Variants in PEBP4 observed in about 807,000 individuals in gnomAD.
PEBP4 encodes phosphatidylethanolamine-binding protein 4.
A neutral mutation model predicts 23.9 loss-of-function variants in PEBP4; 22 were observed. The ratio of observed to expected loss-of-function variants is 0.92; its 90% CI spans 0.66 to 1.31. The LOEUF is 1.31. PEBP4 is among the 40% of genes most tolerant of loss of function. The pLI is 0.00. For missense variants in PEBP4, 324 were observed against 281.7 expected (o/e 1.15, Z -1.07); for synonymous variants, 112 against 99.3 (o/e 1.13, Z -0.76).
intron 3 of PEBP4, chr8:22,879,437 G>C (rs1310441299): frequency 1.3e-5 from 2 of 152,250 alleles, no homozygotes; most frequent in Non-Finnish European, 2.9e-5. Flanking sequence ...TTTCAAGCCA[G>C]TGGGGAGAGA....
At chr8:22,897,853 T>C (rs978120486) in intron 3 of PEBP4, 1 of 152,020 alleles carries the variant, frequency 6.6e-6, no homozygotes, top group African/African-American at 2.4e-5. Flanking sequence ...AGTGTGATGG[T>C]ATTTGGAGGT....
intron 4 of PEBP4, among the ~76,000 whole-genome samples, chr8:22,782,778 T>G (rs142690887): frequency 5.0e-4 from 76 of 152,334 alleles, no homozygotes; most frequent in African/African-American, 1.8e-3. Flanking sequence ...TATCAGCAGC[T>G]GGCCCAGGTT....
chr8:22,713,676 G>C, intron 6 of PEBP4, 140 bp from the exon 7 acceptor site: 1 of 1,212,138 alleles, frequency 8.2e-7, no homozygotes, highest in Non-Finnish European at 1.1e-6. Context: ...GTGGCTGGGG[G>C]AGCTTCCGGC....
At chr8:22,883,065 C>T (rs1220555818) in intron 3 of PEBP4, among the ~76,000 whole-genome samples, 1 of 152,052 alleles carries the variant, frequency 6.6e-6, no homozygotes, top group South Asian at 2.1e-4. Context: ...AAAACTTCCT[C>T]CTTCATGAGA....
chr8:22,910,243 C>T (rs1808910834), intron 3 of PEBP4, among the ~76,000 whole-genome samples: 1 of 152,218 alleles, frequency 6.6e-6, no homozygotes, highest in Admixed American at 6.5e-5. Context: ...TGACGTGCTA[C>T]AAATAAAAAG....
intron 1 of PEBP4, among the ~76,000 whole-genome samples, chr8:22,940,634 G>T (rs1319838961): frequency 6.6e-6 from 1 of 151,910 alleles, no homozygotes; most frequent in African/African-American, 2.4e-5. Context: ...GACTACAGGT[G>T]ACCACCACCA....
intron 3 of PEBP4, among the ~76,000 whole-genome samples, chr8:22,902,370 A>G (rs539468432): frequency 1.1e-4 from 16 of 152,082 alleles, no homozygotes; most frequent in Non-Finnish European, 2.4e-4. Context: ...TTAAAATCCT[A>G]CGTCCTAACT....
chr8:22,887,804 T>C (rs957834965), intron 3 of PEBP4: 1 of 152,118 alleles, frequency 6.6e-6, no homozygotes, highest in African/African-American at 2.4e-5. Context: ...TCTAGCACTT[T>C]TTAGTTTATT....
chr8:22,896,564 C>G (rs1219901174), intron 3 of PEBP4, among the ~76,000 whole-genome samples: 2 of 152,178 alleles, frequency 1.3e-5, no homozygotes, highest in African/African-American at 4.8e-5. Flanking sequence ...CTCTGGGTAT[C>G]TGGAGAACCA....
intron 6 of PEBP4, among the ~76,000 whole-genome samples, chr8:22,723,767 C>T (rs1486686717): frequency 6.6e-6 from 1 of 152,218 alleles, no homozygotes; most frequent in East Asian, 1.9e-4. Context: ...AAGTTTGCAC[C>T]AGCTCCACTC....
chr8:22,927,785 G>T (rs185312207), intron 1 of PEBP4, 38 bp downstream of exon 1: 2 of 1,592,936 alleles, frequency 1.3e-6, no homozygotes, highest in Non-Finnish European at 1.7e-6. Context: ...CACTACCTGT[G>T]CCCCCGACCC....
Position 22,920,211 on chromosome 8 carries a change from C to A in PEBP4, c.231G>T (p.Pro77=), listed in dbSNP as rs376139908. 1 of 1,613,078 alleles carries A rather than the reference C, an allele frequency of 6.2e-7. No homozygotes were observed. Among genetic ancestry groups the A allele is most frequent in the South Asian group, 1.1e-5 (1 of 90,994 alleles). ...YRQKITSWME[P]IVKFPGAVDG... ...CCACGGCCCCCGGGAACTTGACTAT[C>A]GGCTCCATCCAGGAGGTGATCTTCT... Residue 77 remains proline (P), a synonymous_variant, in exon 3 of 7, where the codon CCG becomes CCT. Transcript: ENST00000256404.
intron 4 of PEBP4, among the ~76,000 whole-genome samples, chr8:22,789,318 G>A (rs1003667574): frequency 6.6e-6 from 1 of 152,152 alleles, no homozygotes; most frequent in African/African-American, 2.4e-5. Flanking sequence ...CACCCCTAGA[G>A]ATCGTCGGGC....
intron 3 of PEBP4, among the ~76,000 whole-genome samples, chr8:22,861,249 G>A (rs1421079893): frequency 2.0e-5 from 3 of 152,122 alleles, no homozygotes; most frequent in African/African-American, 7.2e-5. Context: ...GTCAGCAGAG[G>A]GAGAAGTGGA....
At chr8:22,936,136 G>T (rs150306969) in intron 1 of PEBP4, among the ~76,000 whole-genome samples, 2 of 151,698 alleles carry the variant, frequency 1.3e-5, no homozygotes, top group East Asian at 1.9e-4. Context: ...CCAAAAGTTG[G>T]TTCTTTGAAA....
chr8:22,825,998 C>T (rs934741937), intron 3 of PEBP4, among the ~76,000 whole-genome samples: 5 of 152,074 alleles, frequency 3.3e-5, no homozygotes, highest in Non-Finnish European at 7.4e-5. Context: ...CCCACAGAAG[C>T]AGAGAGGAAT....
chr8:22,836,758 G>A (rs753424903), intron 3 of PEBP4, among the ~76,000 whole-genome samples: 3 of 152,106 alleles, frequency 2.0e-5, no homozygotes, highest in Non-Finnish European at 2.9e-5. Context: ...GCTGAGAAAC[G>A]TATGTAAATT....
At chr8:22,835,348 A>G (rs528527030) in intron 3 of PEBP4, among the ~76,000 whole-genome samples, 1 of 152,326 alleles carries the variant, frequency 6.6e-6, no homozygotes, top group Admixed American at 6.5e-5. Flanking sequence ...CGGCCCCTGG[A>G]GCAGCAGTGA....
At chr8:22,820,836 T>C (rs533578501) in intron 3 of PEBP4, among the ~76,000 whole-genome samples, 35 of 152,036 alleles carry the variant, frequency 2.3e-4, no homozygotes, top group Admixed American at 1.1e-3. Flanking sequence ...TCATAAGTTG[T>C]TTAGAATTTA....
Sources: gnomAD v4.1 joint callset for allele counts (sites outside exome capture counted in the v4.1 genomes callset) on GRCh38, gnomAD v4.1.1 for gene constraint, MANE v1.5 for transcripts, NCBI Gene and HGNC (gene_info 2026-07-23, HGNC 2026-07-21) for gene names.